COG5: variants seen among roughly 807,000 people sequenced by gnomAD.
COG5 encodes the protein component of oligomeric golgi complex 5, also known as conserved oligomeric Golgi complex subunit 5.
In COG5, 86 loss-of-function variants were observed where a neutral mutation model predicts 110.4. The observed-to-expected ratio is 0.78, with a 90% CI of 0.65 to 0.93. COG5 has a LOEUF of 0.93. Among genes scored for constraint, COG5 ranks in the 40% least tolerant of loss-of-function variants. The probability of loss-of-function intolerance (pLI) is 0.00; values close to 1 mark genes in which losing one functional copy is unlikely to be tolerated. For synonymous variants in COG5, 360 were observed against 334.6 expected, an observed-to-expected ratio of 1.08 and a Z score of -0.83; for missense variants, 1,077 against 987.0, an observed-to-expected ratio of 1.09 and a Z score of -1.22.
chr7:107,415,847 T>TACACAC lies in COG5; in HGVS notation c.539-3216_539-3215insGTGTGT, dbSNP rs1792738443. Among the ~76,000 whole-genome samples, 43 of 96,666 alleles carry TACACAC rather than the reference T, an allele frequency of 4.4e-4. 2 individuals are homozygous for TACACAC. The highest frequency in any genetic ancestry group is 1.2e-3 in the South Asian group (4 of 3,354). The allele number at this position is 96,666 out of a possible 152,430, so 63.4% of individuals were successfully genotyped here. On this transcript the variant is annotated intron_variant, in intron 6 of 21. Transcript: ENST00000297135. ...ACGTATGTATGTATGTGTGTGTATA[T>TACACAC]ATACACACACATACACGTATGTATG...
chr7:107,496,280 C>G (rs77357249), intron 6 of COG5, among the ~76,000 whole-genome samples: 1,993 of 152,202 alleles, frequency 0.013, 50 homozygotes, highest in African/African-American at 0.045. Context: ...ACTAGCAAAC[C>G]AAATTCAGCT....
At chr7:107,255,843 G>A (rs191613027) in intron 16 of COG5, among the ~76,000 whole-genome samples, 3 of 152,108 alleles carry the variant, frequency 2.0e-5, no homozygotes, top group East Asian at 1.9e-4. Flanking sequence ...TTACTTACTC[G>A]CCAAGTACTA....
chr7:107,503,522 T>C (rs1798769987), intron 6 of COG5, among the ~76,000 whole-genome samples: 1 of 152,164 alleles, frequency 6.6e-6, no homozygotes, highest in African/African-American at 2.4e-5. Flanking sequence ...GGATTTTTTT[T>C]CCCATTCGGT....
intron 10 of COG5, among the ~76,000 whole-genome samples, chr7:107,333,998 T>C (rs1810487365): frequency 1.3e-5 from 2 of 152,226 alleles, no homozygotes; most frequent in South Asian, 2.1e-4. Context: ...GGGGTCAATA[T>C]TGCCCCCAGT....
intron 6 of COG5, among the ~76,000 whole-genome samples, chr7:107,524,629 T>C (rs1164311860): frequency 6.6e-6 from 1 of 152,208 alleles, no homozygotes; most frequent in Non-Finnish European, 1.5e-5. Flanking sequence ...TTTCCTTGGC[T>C]TCTCCTTATT....
chr7:107,364,132 ATT>A (rs1362717700), intron 8 of COG5, among the ~76,000 whole-genome samples: 1 of 152,220 alleles, frequency 6.6e-6, no homozygotes, highest in East Asian at 1.9e-4. Context: ...AACTGAAATA[ATT>A]TTGTTTTCCT....
chr7:107,460,894 AAC>A (rs764898966), intron 6 of COG5, among the ~76,000 whole-genome samples: 7 of 152,098 alleles, frequency 4.6e-5, no homozygotes, highest in South Asian at 2.1e-4. Flanking sequence ...TATATATTAA[AAC>A]ACAGAAGAAA....
chr7:107,228,652 T>TA (rs1800544153), intron 19 of COG5, among the ~76,000 whole-genome samples: 1 of 152,164 alleles, frequency 6.6e-6, no homozygotes, highest in African/African-American at 2.4e-5. Flanking sequence ...TTTGAGCTGA[T>TA]ACAAAGAAGG....
At chr7:107,237,959 G>A (rs142336137) in intron 17 of COG5, among the ~76,000 whole-genome samples, 11 of 152,160 alleles carry the variant, frequency 7.2e-5, no homozygotes, top group African/African-American at 2.4e-4. Context: ...TCCGAAAATG[G>A]TGCCAATCTA....
intron 19 of COG5, among the ~76,000 whole-genome samples, chr7:107,215,766 G>A (rs1451900832): frequency 6.6e-6 from 1 of 151,344 alleles, no homozygotes; most frequent in East Asian, 2.0e-4. Flanking sequence ...TGTAGCCCAG[G>A]CTGGAATGCC....
intron 5 of COG5, among the ~76,000 whole-genome samples, chr7:107,543,680 C>G (rs1165825048): frequency 6.6e-6 from 1 of 152,180 alleles, no homozygotes; most frequent in Non-Finnish European, 1.5e-5. Context: ...GCCCAAGTGG[C>G]CCCAAACACC....
intron 19 of COG5, among the ~76,000 whole-genome samples, chr7:107,212,312 T>G (rs1481630649): frequency 6.6e-6 from 1 of 152,228 alleles, no homozygotes; most frequent in Non-Finnish European, 1.5e-5. Flanking sequence ...CAGAAAGCCA[T>G]AAAGCTCCAA....
intron 14 of COG5, among the ~76,000 whole-genome samples, chr7:107,270,882 C>CTTT (rs56971368): frequency 3.2e-4 from 22 of 68,726 alleles, no homozygotes; most frequent in Non-Finnish European, 3.6e-4. Flanking sequence ...CTAACTAGAA[C>CTTT]TTTTTTTTTT....
At chr7:107,488,746 C>T (rs945698107) in intron 6 of COG5, among the ~76,000 whole-genome samples, 2 of 151,976 alleles carry the variant, frequency 1.3e-5, no homozygotes, top group Non-Finnish European at 2.9e-5. Flanking sequence ...ACTCAAGAGC[C>T]TAAGGTGAGA....
At chr7:107,384,615 G>T (rs553556232) in intron 7 of COG5, among the ~76,000 whole-genome samples, 1 of 152,288 alleles carries the variant, frequency 6.6e-6, no homozygotes, top group South Asian at 2.1e-4. Flanking sequence ...CCCATCGTTA[G>T]CTGAACTAAG....
chr7:107,293,123 G>A (rs1198263585), intron 12 of COG5, among the ~76,000 whole-genome samples: 1 of 152,062 alleles, frequency 6.6e-6, no homozygotes, highest in Non-Finnish European at 1.5e-5. Flanking sequence ...ATTGCATGAG[G>A]TCCTTTCAGT....
chr7:107,333,756 C>G (rs983231152), intron 10 of COG5, among the ~76,000 whole-genome samples: 1 of 152,072 alleles, frequency 6.6e-6, no homozygotes, highest in African/African-American at 2.4e-5. Context: ...TAGAGATAAT[C>G]TAAATGTTAA....
chr7:107,342,921 T>A (rs1412821436), intron 10 of COG5, among the ~76,000 whole-genome samples: 3 of 152,114 alleles, frequency 2.0e-5, no homozygotes, highest in Admixed American at 6.5e-5. Flanking sequence ...TGCACTTGTA[T>A]GTTCATCATA....
chr7:107,279,954 T>TA (rs1221925563), intron 14 of COG5, among the ~76,000 whole-genome samples: 2 of 152,098 alleles, frequency 1.3e-5, no homozygotes, highest in Non-Finnish European at 2.9e-5. Context: ...AAGTACATAT[T>TA]ACCATTACCA....
Sources: gnomAD v4.1 joint callset for allele counts (sites outside exome capture counted in the v4.1 genomes callset) on GRCh38, gnomAD v4.1.1 for gene constraint, MANE v1.5 for transcripts, NCBI Gene and HGNC (gene_info 2026-07-23, HGNC 2026-07-21) for gene names.